Variants in IARS1 observed in about 807,000 individuals in gnomAD.
The protein encoded by IARS1 is isoleucyl-tRNA synthetase 1, also known as isoleucine--tRNA ligase, cytoplasmic.
IARS1 carries 124 observed loss-of-function variants against 168.2 expected under a neutral mutation model. The observed-to-expected ratio is 0.74, with a 90% CI of 0.64 to 0.86. The LOEUF (loss-of-function observed/expected upper bound fraction) is 0.86. Among genes scored for constraint, IARS1 ranks in the 40% least tolerant of loss-of-function variants. IARS1 has a pLI of 0.00. For missense variants in IARS1, 1,452 were observed against 1,515.8 expected (o/e 0.96, Z 0.70); for synonymous variants, 532 against 529.4 (o/e 1.00, Z -0.07).
At chr9:92,289,634 A>G (rs558730394) in intron 1 of IARS1, among the ~76,000 whole-genome samples, 2 of 152,276 alleles carry the variant, frequency 1.3e-5, no homozygotes, top group African/African-American at 2.4e-5. Flanking sequence ...AGTAATACCT[A>G]ATTTCAAAAC....
chr9:92,242,317 G>A lies in IARS1; in HGVS notation c.3014C>T (p.Pro1005Leu), dbSNP rs1828550767. ...QKLRKKCNLVPTDEITVYYKA... is the reference protein window; with the variant it reads ...QKLRKKCNLVLTDEITVYYKA... ...ATAGTACACTGTGATTTCATCAGTT[G>A]GAACCAGATTGCACTGAAAACACAC... Residue 1005 changes from proline (P) to leucine (L), a missense_variant, in exon 29 of 34, where the codon CCA (proline) becomes CTA (leucine). Pro to Leu is a moderately conservative substitution (Grantham distance 98, BLOSUM62 -3). Coordinates refer to ENST00000443024, the MANE Select transcript of IARS1 (RefSeq NM_002161.6). 1 of 1,611,960 alleles carries A rather than the reference G, an allele frequency of 6.2e-7. No homozygotes were observed. The highest frequency in any genetic ancestry group is 8.5e-7 in the Non-Finnish European group (1 of 1,179,292).
Position 92,271,592 on chromosome 9 carries a change from C to T in IARS1, c.1054G>A (p.Val352Met), listed in dbSNP as rs1587853269. Residue 352 changes from valine to methionine, a missense_variant, in exon 11 of 34, where the codon GTG (valine) becomes ATG (methionine). Val to Met is a conservative substitution (Grantham distance 21, BLOSUM62 1). Transcript: ENST00000443024. ...IRKDSLPVCP[V>M]DASGCFTTEV... ...GTTGTGAAGCAGCCTGAAGCATCCA[C>T]AGGGCAAACAGGGAGTGAGTCTTTC... 3 of 1,614,110 alleles carry T rather than the reference C, an allele frequency of 1.9e-6. No homozygotes were observed. Among genetic ancestry groups the T allele is most frequent in the Non-Finnish European group, 2.5e-6 (3 of 1,179,976 alleles).
intron 26 of IARS1, 37 bp downstream of exon 26, chr9:92,247,340 G>A: frequency 6.3e-7 from 1 of 1,588,378 alleles, no homozygotes; most frequent in Non-Finnish European, 8.6e-7. Flanking sequence ...CTCAGACTCA[G>A]GACATAAATG....
chr9:92,274,507 GC>G lies in IARS1; in HGVS notation c.908del (p.Gly303AlafsTer11). 1 of 1,613,038 alleles carries G rather than the reference GC, an allele frequency of 6.2e-7. No individual in the cohort carries two copies. The highest frequency in any genetic ancestry group is 8.5e-7 in the Non-Finnish European group (1 of 1,179,218). On this transcript the variant is annotated frameshift_variant, in exon 10 of 34. Coordinates refer to ENST00000443024, the MANE Select transcript of IARS1 (RefSeq NM_002161.6). LOFTEE classifies it high-confidence loss of function. ...AGTTGTCAACAAGCACAGTGAAAGC[GC>G]CATTCTCTTTACACTGGAAAGAAAG... ...FDYFLKCKENGAFTVLVDNYV... is the reference protein window; with the variant it reads ...FDYFLKCKENXAFTVLVDNYV...
chr9:92,282,551 G>A (rs80096693), intron 6 of IARS1, among the ~76,000 whole-genome samples: 3,403 of 151,972 alleles, frequency 0.022, 54 homozygotes, highest in South Asian at 0.066. Context: ...CAGGAGGATC[G>A]CACAAGCTCT....
In IARS1 at chr9:92,229,107, T is replaced by C; in HGVS notation, c.3303A>G (p.Glu1101=). 1 of 1,613,932 alleles carries C rather than the reference T, an allele frequency of 6.2e-7. No individual in the cohort carries two copies. Among genetic ancestry groups the C allele is most frequent in the Admixed American group, 1.7e-5 (1 of 59,990 alleles). Residue 1101 remains glutamate (E), a synonymous_variant, in exon 31 of 34, where the codon GAA becomes GAG. Coordinates refer to ENST00000443024, the MANE Select transcript of IARS1 (RefSeq NM_002161.6). ...CCAACCTATTGTCACCTTTTGGATT[T>C]TCCAGGAGCAATACTCCACCTAAAA... ...GSEQGGVLLL[E]NPKGDNRLDL...
chr9:92,243,840 T>C (rs1449849884), intron 27 of IARS1, among the ~76,000 whole-genome samples: 5 of 152,220 alleles, frequency 3.3e-5, no homozygotes, highest in Non-Finnish European at 5.9e-5. Context: ...TAAACTGCCA[T>C]ATTTTTGCTA....
intron 31 of IARS1, among the ~76,000 whole-genome samples, chr9:92,227,539 G>A (rs1162086523): frequency 2.0e-5 from 3 of 151,348 alleles, no homozygotes; most frequent in Non-Finnish European, 3.0e-5. Context: ...CCTCCCGGAC[G>A]GGGCGGCTGG....
intron 30 of IARS1, among the ~76,000 whole-genome samples, chr9:92,231,847 T>C (rs368313204): frequency 7.2e-5 from 11 of 152,296 alleles, no homozygotes; most frequent in South Asian, 2.1e-4. Flanking sequence ...CTCAGCAATA[T>C]AGAAACCAAC....
At chr9:92,284,179 A>AAAC (rs898945022) in intron 6 of IARS1, among the ~76,000 whole-genome samples, 14 of 152,178 alleles carry the variant, frequency 9.2e-5, no homozygotes, top group South Asian at 2.1e-4. Context: ...CCTATCTCAA[A>AAAC]AACAACAACA....
chr9:92,247,706 C>T (rs1304560652), intron 25 of IARS1, among the ~76,000 whole-genome samples, 155 bp from the exon 26 acceptor site: 1 of 152,212 alleles, frequency 6.6e-6, no homozygotes, highest in Admixed American at 6.5e-5. Context: ...ATGCAGCATA[C>T]ACATGCAATA....
chr9:92,238,601 T>A (rs1356391117), intron 30 of IARS1, among the ~76,000 whole-genome samples: 1 of 152,194 alleles, frequency 6.6e-6, no homozygotes. Flanking sequence ...ACCTTCTTTA[T>A]AAACTAGCCA....
chr9:92,288,518 T>C (rs890451469), intron 2 of IARS1, among the ~76,000 whole-genome samples: 1 of 152,310 alleles, frequency 6.6e-6, no homozygotes, highest in Non-Finnish European at 1.5e-5. Flanking sequence ...ATTAGTTCCA[T>C]GACATAAGGC....
At chr9:92,283,539 G>A (rs1234439567) in intron 6 of IARS1, among the ~76,000 whole-genome samples, 2 of 152,188 alleles carry the variant, frequency 1.3e-5, no homozygotes, top group Non-Finnish European at 2.9e-5. Flanking sequence ...AGCTACTCGG[G>A]AGGCTGAGGC....
chr9:92,225,293 A>G (rs767881531), intron 31 of IARS1, among the ~76,000 whole-genome samples: 83 of 152,244 alleles, frequency 5.5e-4, no homozygotes, highest in Non-Finnish European at 7.5e-4. Flanking sequence ...TCGCTTGACC[A>G]GAGAACTCAT....
intron 30 of IARS1, among the ~76,000 whole-genome samples, chr9:92,233,105 T>G (rs1412471593): frequency 6.6e-6 from 1 of 152,228 alleles, no homozygotes; most frequent in African/African-American, 2.4e-5. Flanking sequence ...TTAGACTTAT[T>G]TGACTACGTT....
chr9:92,217,148 C>G (rs1463513008), intron 33 of IARS1, among the ~76,000 whole-genome samples: 1 of 151,720 alleles, frequency 6.6e-6, no homozygotes, highest in Admixed American at 6.6e-5. Flanking sequence ...TACATGGAAA[C>G]TGAACAACCT....
intron 31 of IARS1, among the ~76,000 whole-genome samples, chr9:92,224,042 C>G (rs1825239934): frequency 1.3e-5 from 2 of 152,188 alleles, no homozygotes; most frequent in Admixed American, 6.5e-5. Flanking sequence ...AGGTATGAGA[C>G]TAGGCTGGGG....
intron 6 of IARS1, among the ~76,000 whole-genome samples, chr9:92,281,893 A>G (rs1834629507): frequency 6.6e-6 from 1 of 152,210 alleles, no homozygotes; most frequent in Admixed American, 6.5e-5. Flanking sequence ...AAGAGACTAA[A>G]GAGCTCTTTA....
Sources: allele counts gnomAD v4.1 joint callset (sites outside exome capture counted in the v4.1 genomes callset), GRCh38; gene constraint gnomAD v4.1.1; transcripts MANE v1.5; gene names NCBI Gene and HGNC (gene_info 2026-07-23, HGNC 2026-07-21).